DTNA: variants seen among roughly 807,000 people sequenced by gnomAD.
DTNA encodes dystrophin-related protein 3.
DTNA carries 43 observed loss-of-function variants against 100.7 expected under a neutral mutation model. The ratio of observed to expected loss-of-function variants is 0.43; its 90% CI spans 0.33 to 0.55. The LOEUF (loss-of-function observed/expected upper bound fraction) is 0.55, where lower values mean the gene tolerates loss of function less well. Among genes scored for constraint, DTNA ranks in the 20% least tolerant of loss-of-function variants. DTNA has a pLI of 0.04. For missense variants in DTNA, 798 were observed against 953.9 expected (o/e 0.84, Z 2.15); for synonymous variants, 349 against 347.9 (o/e 1.00, Z -0.04).
At chr18:34,785,731 A>T (rs559106273) in intron 3 of DTNA, among the ~76,000 whole-genome samples, 8 of 152,342 alleles carry the variant, frequency 5.3e-5, no homozygotes, top group South Asian at 4.2e-4. Flanking sequence ...GAAATCTAAA[A>T]GGAGAGAAAA....
chr18:34,507,500 T>C lies in DTNA; in HGVS notation c.-2+13986T>C, dbSNP rs113203987. On this transcript the variant is annotated intron_variant, in intron 1 of 19. Coordinates refer to the DTNA transcript ENST00000283365. ...AGTTGTTTGATCACTACTTGGTAGG[T>C]TAAGTACAAAAGATGGAGCTAAGAA... is the stretch of plus-strand genomic sequence containing the variant. Among the ~76,000 whole-genome samples the C allele has an allele frequency of 2.2e-3, 331 of 152,282 alleles. 5 individuals are homozygous for C. The highest frequency in any genetic ancestry group is 7.6e-3 in the African/African-American group (317 of 41,554).
chr18:34,623,408 C>T (rs530261108), intron 1 of DTNA, among the ~76,000 whole-genome samples: 1 of 152,236 alleles, frequency 6.6e-6, no homozygotes, highest in South Asian at 2.1e-4. Context: ...ATAGAAGTAC[C>T]TTTTCTAATA....
At chr18:34,742,920 C>T (rs897034553) in intron 1 of DTNA, among the ~76,000 whole-genome samples, 10 of 152,020 alleles carry the variant, frequency 6.6e-5, no homozygotes, top group African/African-American at 2.2e-4. Flanking sequence ...TCTGCCTCAC[C>T]GGGACAATGC....
upstream of DTNA, among the ~76,000 whole-genome samples, chr18:34,706,877 C>T (rs1333911643): frequency 6.6e-6 from 1 of 151,984 alleles, no homozygotes; most frequent in Non-Finnish European, 1.5e-5. Flanking sequence ...TCAAAGTGGC[C>T]CAAGAAACAA....
intron 3 of DTNA, among the ~76,000 whole-genome samples, chr18:34,775,020 A>C (rs1381797787): frequency 2.6e-5 from 4 of 152,230 alleles, no homozygotes; most frequent in African/African-American, 9.6e-5. Context: ...TACAATCTAA[A>C]ATGGCTCCTA....
chr18:34,781,928 A>G (rs2094339943), intron 3 of DTNA, among the ~76,000 whole-genome samples: 1 of 152,216 alleles, frequency 6.6e-6, no homozygotes, highest in African/African-American at 2.4e-5. Context: ...AAGGACAAGT[A>G]GGAGACAGTT....
Position 34,888,345 on chromosome 18 carries a change from A to G in DTNA, c.*611A>G. On this transcript the variant is annotated 3_prime_UTR_variant, in exon 23 of 23. Transcript: ENST00000444659. ...TGAAGAATTTGGTTCCTGAGTGTACAAACTCAGAGCCCGGAAGCCAAGAAG... is the reference window on the plus strand; with the variant it reads ...TGAAGAATTTGGTTCCTGAGTGTACGAACTCAGAGCCCGGAAGCCAAGAAG... 2.0e-6 allele frequency: 2 copies of G among 985,848 alleles called. No individual in the cohort carries two copies. Among genetic ancestry groups the G allele is most frequent in the Non-Finnish European group, 2.4e-6 (2 of 829,940 alleles). The allele number at this position is 985,848 out of a possible 1,614,324, so 61.1% of individuals were successfully genotyped here.
chr18:34,713,973 C>A (rs557754226), intron 1 of DTNA, among the ~76,000 whole-genome samples: 80 of 152,080 alleles, frequency 5.3e-4, no homozygotes, highest in African/African-American at 1.8e-3. Flanking sequence ...GAAAAACAAG[C>A]AATGGGGAAA....
chr18:34,881,609 C>G (rs1234487654), intron 20 of DTNA, among the ~76,000 whole-genome samples: 2 of 151,822 alleles, frequency 1.3e-5, no homozygotes, highest in African/African-American at 4.8e-5. Context: ...GTATGTGTAA[C>G]ACAAAAGAGG....
At chr18:34,685,861 G>T (rs191965740) in intron 1 of DTNA, among the ~76,000 whole-genome samples, 255 of 152,226 alleles carry the variant, frequency 1.7e-3, no homozygotes, top group African/African-American at 6.0e-3. Flanking sequence ...CACATCCCTT[G>T]TAAGTTGTAT....
intron 2 of DTNA, among the ~76,000 whole-genome samples, chr18:34,761,956 G>A (rs1360735029): frequency 1.3e-5 from 2 of 151,844 alleles, no homozygotes; most frequent in Non-Finnish European, 2.9e-5. Flanking sequence ...AAAATGTAAC[G>A]AGAAAATTCT....
At chr18:34,595,159 T>C (rs1027624348) in intron 1 of DTNA, among the ~76,000 whole-genome samples, 7 of 152,260 alleles carry the variant, frequency 4.6e-5, no homozygotes, top group Non-Finnish European at 5.9e-5. Flanking sequence ...TTACCAGTTG[T>C]GTACTGAATG....
chr18:34,694,729 T>C (rs1187977106), intron 1 of DTNA, among the ~76,000 whole-genome samples: 1 of 152,200 alleles, frequency 6.6e-6, no homozygotes, highest in East Asian at 1.9e-4. Context: ...CCCTAATGTA[T>C]GTAAACAGCT....
intron 1 of DTNA, among the ~76,000 whole-genome samples, chr18:34,626,114 A>G (rs948767670): frequency 2.0e-5 from 3 of 152,216 alleles, no homozygotes; most frequent in Non-Finnish European, 4.4e-5. Context: ...GAAATGTTTT[A>G]TATAAAGTTC....
intron 1 of DTNA, among the ~76,000 whole-genome samples, chr18:34,569,751 C>T (rs1036046162): frequency 6.6e-6 from 1 of 152,060 alleles, no homozygotes; most frequent in Non-Finnish European, 1.5e-5. Flanking sequence ...TGAATTCCTT[C>T]TTGGTTGGGG....
chr18:34,498,748 G>A (rs538520820), intron 1 of DTNA, among the ~76,000 whole-genome samples: 29 of 152,092 alleles, frequency 1.9e-4, no homozygotes, highest in Middle Eastern at 3.4e-3. Flanking sequence ...AGCTATGTGC[G>A]TATCTTTTCT....
At chr18:34,685,398 G>A (rs958416529) in intron 1 of DTNA, among the ~76,000 whole-genome samples, 5 of 152,006 alleles carry the variant, frequency 3.3e-5, no homozygotes, top group Admixed American at 1.3e-4. Context: ...AATAGGGAAT[G>A]TTTTCCCCAT....
chr18:34,626,056 C>T (rs985903654), intron 1 of DTNA, among the ~76,000 whole-genome samples: 7 of 152,138 alleles, frequency 4.6e-5, no homozygotes, highest in African/African-American at 9.7e-5. Context: ...CCTAGTGACA[C>T]GTGAAAGCAA....
Position 34,718,068 on chromosome 18 carries a change from T to G in DTNA, c.-2+7623T>G, listed in dbSNP as rs1600736646. Among the ~76,000 whole-genome samples the G allele has an allele frequency of 3.3e-5, 5 of 152,314 alleles. 1 individual carries two copies. The highest frequency in any genetic ancestry group is 3.3e-4 in the Admixed American group (5 of 15,306). The stretch of plus-strand genomic sequence containing the variant: ...CAGGTAGAGAACAACTGATTTATCT[T>G]TTAAGCCCCCTTGAAAATTGTCGAT... On this transcript the variant is annotated intron_variant, in intron 1 of 22. Coordinates refer to ENST00000444659, the MANE Select transcript of DTNA (RefSeq NM_001386795.1).
Sources: gnomAD v4.1 joint callset for allele counts (sites outside exome capture counted in the v4.1 genomes callset) on GRCh38, gnomAD v4.1.1 for gene constraint, MANE v1.5 for transcripts, NCBI Gene and HGNC (gene_info 2026-07-23, HGNC 2026-07-21) for gene names.